SMS: variants seen among roughly 807,000 people sequenced by gnomAD.
SMS encodes spermine synthase.
A neutral mutation model predicts 33.0 loss-of-function variants in SMS; 3 were observed. The ratio of observed to expected loss-of-function variants is 0.09; its 90% CI spans 0.04 to 0.23. The LOEUF (loss-of-function observed/expected upper bound fraction) is 0.23. Among genes scored for constraint, SMS ranks in the 10% least tolerant of loss-of-function variants. The pLI is 1.00. For synonymous variants in SMS, 103 were observed against 112.2 expected (o/e 0.92, Z 0.52); for missense variants, 117 against 288.6 (o/e 0.41, Z 4.31).
chrX:21,963,541 G>A (rs1036951400), intron 1 of SMS, among the ~76,000 whole-genome samples: 8 of 112,264 alleles, frequency 7.1e-5, no homozygotes, highest in Non-Finnish European at 1.3e-4. Flanking sequence ...AAACCTGGCC[G>A]GAGGACTTTC....
At chrX:21,949,106 A>G (rs1328669169) in intron 1 of SMS, among the ~76,000 whole-genome samples, 1 of 111,631 alleles carries the variant, frequency 9.0e-6, no homozygotes, top group Non-Finnish European at 1.9e-5. Flanking sequence ...TAGTGGTGAT[A>G]CTGGTGATAA....
intron 1 of SMS, among the ~76,000 whole-genome samples, chrX:21,956,584 C>T (rs753283360): frequency 2.1e-4 from 23 of 111,959 alleles, no homozygotes; most frequent in African/African-American, 5.5e-4. Context: ...ATTCTCCTGC[C>T]TCAGCCTCCT....
intron 9 of SMS, among the ~76,000 whole-genome samples, chrX:21,988,860 G>A (rs978877882): frequency 3.6e-5 from 4 of 110,301 alleles, no homozygotes; most frequent in Non-Finnish European, 5.7e-5. Flanking sequence ...GGAGGGACGT[G>A]GGAATCAAAG....
intron 1 of SMS, among the ~76,000 whole-genome samples, chrX:21,955,345 A>G (rs1338405424): frequency 3.6e-5 from 4 of 112,263 alleles, no homozygotes; most frequent in Non-Finnish European, 7.5e-5. Flanking sequence ...AAAGGAAACC[A>G]TTGTCATTTG....
intron 1 of SMS, among the ~76,000 whole-genome samples, chrX:21,949,216 A>G (rs1452351456): frequency 8.9e-6 from 1 of 112,284 alleles, no homozygotes; most frequent in African/African-American, 3.2e-5. Flanking sequence ...AGTTTTACAC[A>G]CACCTTAATT....
intron 1 of SMS, among the ~76,000 whole-genome samples, chrX:21,958,386 A>G (rs1923116342): frequency 9.0e-6 from 1 of 111,425 alleles, no homozygotes; most frequent in Non-Finnish European, 1.9e-5. Context: ...TGCCTTGGCA[A>G]CCTTGCCGTA....
At chrX:21,965,792 AC>A (rs1008475383) in intron 1 of SMS, among the ~76,000 whole-genome samples, 2 of 109,851 alleles carry the variant, frequency 1.8e-5, no homozygotes, top group African/African-American at 6.6e-5. Flanking sequence ...ATAAAAAAAA[AC>A]AAATAAATAA....
rs1379956729 is a variant in SMS, at chrX:21,994,604, C to A, written c.*253C>A. The A allele has an allele frequency of 1.8e-5, 16 of 912,253 alleles. No individual in the cohort carries two copies. The highest frequency in any genetic ancestry group is 2.1e-5 in the African/African-American group (1 of 47,370). The allele number at this position is 912,253 out of a possible 1,213,427, so 75.2% of individuals were successfully genotyped here. On this transcript the variant is annotated 3_prime_UTR_variant, in exon 11 of 11. Transcript: ENST00000404933. Reference sequence around the variant, plus strand: ...GACTGCTAAATGCACTGACCCCCCCCATTAGAATGTGATTTTTGTTCCTTT... The same window carrying A: ...GACTGCTAAATGCACTGACCCCCCCAATTAGAATGTGATTTTTGTTCCTTT...
Position 21,940,764 on chromosome X carries a change from G to A in SMS, c.-61G>A. ...CCAGCCGGCCGCAGCCTGACACGCCGCGCGGCCCCCCAGTCTCCCGCGGCT... is the reference window on the plus strand; with the variant it reads ...CCAGCCGGCCGCAGCCTGACACGCCACGCGGCCCCCCAGTCTCCCGCGGCT... On this transcript the variant is annotated 5_prime_UTR_variant, in exon 1 of 11. Coordinates refer to ENST00000404933, the MANE Select transcript of SMS (RefSeq NM_004595.5). 2 of 947,115 alleles carry A rather than the reference G, an allele frequency of 2.1e-6. No homozygotes were observed. The highest frequency in any genetic ancestry group is 2.8e-6 in the Non-Finnish European group (2 of 702,157). The allele number at this position is 947,115 out of a possible 1,213,427, so 78.1% of individuals were successfully genotyped here.
chrX:21,965,334 C>G (rs1923627130), intron 1 of SMS, among the ~76,000 whole-genome samples: 1 of 111,024 alleles, frequency 9.0e-6, no homozygotes, highest in African/African-American at 3.3e-5. Flanking sequence ...CTGATTTACA[C>G]TTTTAAAAAG....
intron 1 of SMS, among the ~76,000 whole-genome samples, chrX:21,966,970 C>T (rs748721897): frequency 1.8e-5 from 2 of 111,159 alleles, no homozygotes; most frequent in Non-Finnish European, 3.8e-5. Context: ...GTCTGCGTTG[C>T]CTTTCCTTGC....
intron 4 of SMS, among the ~76,000 whole-genome samples, chrX:21,974,114 C>G (rs920422715): frequency 1.8e-5 from 2 of 112,346 alleles, no homozygotes; most frequent in Non-Finnish European, 3.8e-5. Flanking sequence ...AACGGAAATA[C>G]AGGTTTCTCC....
rs138924455 is a variant in SMS, at chrX:21,967,260, G to A, written c.114G>A (p.Ser38=). 158 of 1,206,228 alleles carry A rather than the reference G, an allele frequency of 1.3e-4. No individual in the cohort carries two copies. The highest frequency in any genetic ancestry group is 1.8e-4 in the African/African-American group (10 of 56,381). ...TCCAGGAGCAGGGGATGGCGGAGTCGGTGCACACCTGGCAGGACCATGGCT... is the reference window on the plus strand; with the variant it reads ...TCCAGGAGCAGGGGATGGCGGAGTCAGTGCACACCTGGCAGGACCATGGCT... ...SIFQEQGMAE[S]VHTWQDHGYL... The change falls in exon 2 of 11, where the codon TCG becomes TCA. Residue 38 remains serine (S), a synonymous_variant. Transcript: ENST00000404933.
At chrX:21,968,127 C>T (rs1427743683) in intron 2 of SMS, among the ~76,000 whole-genome samples, 1 of 111,998 alleles carries the variant, frequency 8.9e-6, no homozygotes, top group South Asian at 3.7e-4. Context: ...TTGCTCAGCT[C>T]GAAGTAGGGT....
intron 1 of SMS, among the ~76,000 whole-genome samples, chrX:21,945,869 C>T (rs750363749): frequency 2.7e-5 from 3 of 110,957 alleles, no homozygotes; most frequent in African/African-American, 6.6e-5. Flanking sequence ...ATGATCCACC[C>T]GCATTGGCCT....
intron 7 of SMS, among the ~76,000 whole-genome samples, chrX:21,982,180 A>C (rs1192462049): frequency 1.0e-4 from 11 of 106,724 alleles, no homozygotes; most frequent in Non-Finnish European, 2.1e-4. Context: ...AAAAAAATAC[A>C]AAAAAAAATT....
intron 10 of SMS, 24 bp from the exon 11 acceptor site, chrX:21,994,288 T>C (rs772115360): frequency 8.4e-7 from 1 of 1,197,003 alleles, no homozygotes; most frequent in Non-Finnish European, 1.1e-6. Flanking sequence ...ATTACCTGCT[T>C]TTATTCCTTG....
At chrX:21,974,007 C>T (rs1359998066) in intron 4 of SMS, among the ~76,000 whole-genome samples, 4 of 112,681 alleles carry the variant, frequency 3.5e-5, no homozygotes, top group Non-Finnish European at 7.5e-5. Context: ...CTTGGTGGAT[C>T]CTCATCAGGC....
intron 7 of SMS, among the ~76,000 whole-genome samples, chrX:21,981,470 CAT>C (rs201560145): frequency 9.2e-6 from 1 of 108,712 alleles, no homozygotes; most frequent in Non-Finnish European, 1.9e-5. Flanking sequence ...AAAAAAGAAT[CAT>C]AGTGTGAAGC....
Sources: allele counts gnomAD v4.1 joint callset (sites outside exome capture counted in the v4.1 genomes callset), GRCh38; gene constraint gnomAD v4.1.1; transcripts MANE v1.5; gene names NCBI Gene and HGNC (gene_info 2026-07-23, HGNC 2026-07-21).